LRRC4C: variants seen among roughly 807,000 people sequenced by gnomAD.
The protein encoded by LRRC4C is leucine-rich repeat-containing protein 4C.
A neutral mutation model predicts 33.6 loss-of-function variants in LRRC4C; 5 were observed. The ratio of observed to expected loss-of-function variants is 0.15; its 90% CI spans 0.08 to 0.31. The LOEUF (loss-of-function observed/expected upper bound fraction) is 0.31, where lower values mean the gene tolerates loss of function less well. LRRC4C is among the 10% of genes least tolerant of loss of function. The pLI is 1.00. For synonymous variants in LRRC4C, 329 were observed against 302.0 expected, an observed-to-expected ratio of 1.09 and a Z score of -0.93; for missense variants, 560 against 796.7, an observed-to-expected ratio of 0.70 and a Z score of 3.58.
chr11:41,030,039 T>C (rs1205134410), intron 1 of LRRC4C, among the ~76,000 whole-genome samples: 1 of 151,680 alleles, frequency 6.6e-6, no homozygotes, highest in Admixed American at 6.6e-5. Flanking sequence ...AAAAGGAAAA[T>C]AGCGTCCAGA....
chr11:40,222,700 T>A (rs1864504639), intron 5 of LRRC4C, among the ~76,000 whole-genome samples: 1 of 152,170 alleles, frequency 6.6e-6, no homozygotes, highest in Admixed American at 6.5e-5. Context: ...ATGTTAAAAC[T>A]GCTGTGATAG....
intron 5 of LRRC4C, among the ~76,000 whole-genome samples, chr11:40,202,850 GA>G: frequency 6.6e-6 from 1 of 152,164 alleles, no homozygotes; most frequent in East Asian, 1.9e-4. Context: ...CATTTTCCCT[GA>G]CCTAACATCC....
chr11:41,286,667 G>GGCTAATA (rs1949838503), intron 1 of LRRC4C, among the ~76,000 whole-genome samples: 1 of 57,298 alleles, frequency 1.7e-5, no homozygotes, highest in African/African-American at 5.1e-5. Context: ...CCTACTATTA[G>GGCTAATA]ATCCTTAGTC....
intron 1 of LRRC4C, among the ~76,000 whole-genome samples, chr11:41,293,744 C>A (rs995112592): frequency 1.3e-5 from 2 of 151,844 alleles, no homozygotes; most frequent in Non-Finnish European, 2.9e-5. Flanking sequence ...ATTACAGGTG[C>A]GTGCCATCAT....
chr11:41,155,017 A>AT (rs2135988004), intron 1 of LRRC4C, among the ~76,000 whole-genome samples: 1 of 152,262 alleles, frequency 6.6e-6, no homozygotes, highest in East Asian at 1.9e-4. Flanking sequence ...GGTGGCAACA[A>AT]TTATTTAACT....
chr11:41,131,065 T>C (rs1942988452), intron 1 of LRRC4C, among the ~76,000 whole-genome samples: 1 of 152,042 alleles, frequency 6.6e-6, no homozygotes, highest in African/African-American at 2.4e-5. Flanking sequence ...TAGTTAACCA[T>C]ACAACCAATT....
At chr11:40,426,962 C>T (rs1026501214) in intron 3 of LRRC4C, among the ~76,000 whole-genome samples, 1 of 152,126 alleles carries the variant, frequency 6.6e-6, no homozygotes, top group Non-Finnish European at 1.5e-5. Context: ...TGCTTTCTGT[C>T]TACCAGGTGA....
chr11:40,236,821 T>C (rs1278390040), intron 5 of LRRC4C, among the ~76,000 whole-genome samples: 1 of 152,154 alleles, frequency 6.6e-6, no homozygotes, highest in East Asian at 1.9e-4. Context: ...GTCGTGTTAA[T>C]CCACCAAGAC....
chr11:41,308,652 C>T (rs2922031), intron 1 of LRRC4C, among the ~76,000 whole-genome samples: 114,436 of 151,962 alleles, frequency 0.75, 43,431 homozygotes, highest in Admixed American at 0.83. Context: ...GTTTTCTCTC[C>T]CAGCCCAGCT....
chr11:40,547,729 T>C (rs1201707867), intron 3 of LRRC4C, among the ~76,000 whole-genome samples: 2 of 152,098 alleles, frequency 1.3e-5, no homozygotes, highest in Admixed American at 6.6e-5. Context: ...GGCTGTTTAA[T>C]GCAATCTTTA....
At chr11:40,747,284 A>C (rs1426190174) in intron 2 of LRRC4C, among the ~76,000 whole-genome samples, 1 of 152,146 alleles carries the variant, frequency 6.6e-6, no homozygotes, top group Non-Finnish European at 1.5e-5. Flanking sequence ...CAATTCAGAA[A>C]ATCATAGATA....
chr11:40,584,466 T>C (rs1958619923), intron 3 of LRRC4C, among the ~76,000 whole-genome samples: 1 of 151,840 alleles, frequency 6.6e-6, no homozygotes, highest in South Asian at 2.1e-4. Context: ...CCTACTGTGT[T>C]AGGAGGAGGA....
chr11:40,736,545 G>A (rs563724717), intron 2 of LRRC4C, among the ~76,000 whole-genome samples: 1 of 152,060 alleles, frequency 6.6e-6, no homozygotes, highest in Admixed American at 6.6e-5. Flanking sequence ...GACATTGCTG[G>A]GTCAAATGGC....
intron 3 of LRRC4C, among the ~76,000 whole-genome samples, chr11:40,485,266 C>T (rs535672520): frequency 1.1e-4 from 16 of 151,102 alleles, no homozygotes; most frequent in African/African-American, 3.6e-4. Context: ...CACACACACA[C>T]GTATTTGCCA....
At chr11:40,405,290 C>T (rs1301209537) in intron 3 of LRRC4C, among the ~76,000 whole-genome samples, 2 of 152,052 alleles carry the variant, frequency 1.3e-5, no homozygotes, top group South Asian at 2.1e-4. Flanking sequence ...TGAAGGCATT[C>T]GGCCACCCAG....
At chr11:41,250,437 T>C (rs180869114) in intron 1 of LRRC4C, among the ~76,000 whole-genome samples, 8 of 152,204 alleles carry the variant, frequency 5.3e-5, no homozygotes, top group Non-Finnish European at 1.2e-4. Context: ...GACACTGCCT[T>C]GTGTCACTTT....
At chr11:41,124,220 GTAT>G (rs1423318306) in intron 1 of LRRC4C, among the ~76,000 whole-genome samples, 1 of 152,046 alleles carries the variant, frequency 6.6e-6, no homozygotes, top group Non-Finnish European at 1.5e-5. Context: ...GAGAAGTTAG[GTAT>G]TATTAGCATC....
chr11:40,566,752 T>A (rs1957783762), intron 3 of LRRC4C, among the ~76,000 whole-genome samples: 1 of 152,128 alleles, frequency 6.6e-6, no homozygotes, highest in Non-Finnish European at 1.5e-5. Context: ...CTAAGATAAT[T>A]TTTAAATATT....
intron 3 of LRRC4C, among the ~76,000 whole-genome samples, chr11:40,635,061 C>T (rs2136048557): frequency 6.6e-6 from 1 of 152,050 alleles, no homozygotes; most frequent in African/African-American, 2.4e-5. Flanking sequence ...ACAGACTTTT[C>T]CTCATAGTCT....
Sources: allele counts gnomAD v4.1 joint callset (sites outside exome capture counted in the v4.1 genomes callset), GRCh38; gene constraint gnomAD v4.1.1; transcripts MANE v1.5; gene names NCBI Gene and HGNC (gene_info 2026-07-23, HGNC 2026-07-21).